HLA-DMA: variants seen among roughly 807,000 people sequenced by gnomAD.
The protein encoded by HLA-DMA is HLA class II histocompatibility antigen, DM alpha chain.
In HLA-DMA, 20 loss-of-function variants were observed where a neutral mutation model predicts 27.3. That is an observed-to-expected ratio of 0.73 (90% confidence interval 0.52 to 1.07). HLA-DMA has a LOEUF of 1.07. Among genes scored for constraint, HLA-DMA ranks in the 50% least tolerant of loss-of-function variants. The pLI, the probability that HLA-DMA is intolerant of heterozygous loss-of-function variation, is 0.00. For synonymous variants in HLA-DMA, 111 were observed against 126.8 expected (o/e 0.88, Z 0.83); for missense variants, 241 against 321.7 (o/e 0.75, Z 1.92).
Position 32,949,755 on chromosome 6 carries a change from C to G in HLA-DMA, c.508G>C (p.Gly170Arg). Residue 170 changes from glycine to arginine, a missense_variant, in exon 3 of 5, where the codon GGA becomes CGA. Coordinates refer to ENST00000374843, the MANE Select transcript of HLA-DMA (RefSeq NM_006120.4). The surrounding 1 kb of genome is among the most constrained non-coding windows in gnomAD (Gnocchi z 5.8). ...GCTGAGACAAAAGTAGGCCCAAATC[C>G]TTCCACAGGGACGGAATGATGCTGC... ...NWQHHSVPVE[G>R]FGPTFVSAVD... is the part of the protein sequence containing the mutation. 6.2e-7 allele frequency: 1 copy of G among 1,613,098 alleles called. No homozygotes were observed. The highest frequency in any genetic ancestry group is 8.5e-7 in the Non-Finnish European group (1 of 1,180,046).
rs763355566 is a variant in HLA-DMA, at chr6:32,953,065, T to C, written c.-29A>G. ...TTCTTGCCACACAGTAGGTAGGAGC[T>C]ACCAACCCAGCCAACCCAGCTTCCC... On this transcript the variant is annotated 5_prime_UTR_variant, in exon 1 of 5. Coordinates refer to ENST00000374843, the MANE Select transcript of HLA-DMA (RefSeq NM_006120.4). 4 of 1,581,760 alleles carry C rather than the reference T, an allele frequency of 2.5e-6. No individual in the cohort carries two copies. The East Asian group carries it at 9.0e-5, about 35-fold the overall frequency.
Position 32,950,359 on chromosome 6 carries a change from G to T in HLA-DMA, c.373+160C>A. Reference sequence around the variant, plus strand: ...TGCTAGGTACTTCGGCCCACCAAAAGAACACAGGGTGCAGACCAAGGCTGG... The same window carrying T: ...TGCTAGGTACTTCGGCCCACCAAAATAACACAGGGTGCAGACCAAGGCTGG... On this transcript the variant is annotated intron_variant, in intron 2 of 4. Transcript: ENST00000374843. The surrounding 1 kb of genome is among the most constrained non-coding windows in gnomAD (Gnocchi z 5.0). 1.1e-6 allele frequency: 1 copy of T among 874,448 alleles called. No individual in the cohort carries two copies. The highest frequency in any genetic ancestry group is 1.8e-6 in the Non-Finnish European group (1 of 550,886). The allele number at this position is 874,448 out of a possible 1,614,324, so 54.2% of individuals were successfully genotyped here.
In HLA-DMA at chr6:32,950,176, A is replaced by G. The variant is rs1776832633; in HGVS notation, c.374-287T>C. 1.7e-6 allele frequency: 1 copy of G among 593,696 alleles called. No individual in the cohort carries two copies. Among genetic ancestry groups the G allele is most frequent in the Admixed American group, 3.0e-5 (1 of 33,454 alleles). The allele number at this position is 593,696 out of a possible 1,614,324, so 36.8% of individuals were successfully genotyped here. ...AGCTCACATTGATGTCTAACCATGC[A>G]CTGTCTTCTCACTAAGACATAGTCA... On this transcript the variant is annotated intron_variant, in intron 2 of 4. Coordinates refer to ENST00000374843, the MANE Select transcript of HLA-DMA (RefSeq NM_006120.4). The surrounding 1 kb of genome is among the most constrained non-coding windows in gnomAD (Gnocchi z 5.0).
chr6:32,949,157 G>C lies in HLA-DMA; in HGVS notation c.781+114C>G, dbSNP rs1776776560. 1 of 1,425,726 alleles carries C rather than the reference G, an allele frequency of 7.0e-7. No individual in the cohort carries two copies. Among genetic ancestry groups the C allele is most frequent in the Non-Finnish European group, 9.7e-7 (1 of 1,034,256 alleles). 88.3% of individuals were successfully genotyped at this position (1,425,726 alleles called of 1,614,324 possible). On this transcript the variant is annotated intron_variant, in intron 4 of 4. Coordinates refer to ENST00000374843, the MANE Select transcript of HLA-DMA (RefSeq NM_006120.4). The surrounding 1 kb of genome is among the most constrained non-coding windows in gnomAD (Gnocchi z 5.8). ...GCTGGATACAGGCCCCCACACCCAA[G>C]GGCCTGAGGATCGCTATATGTCCCC...
chr6:32,948,943 C>G lies in HLA-DMA; in HGVS notation c.782-75G>C, dbSNP rs1776768034. On this transcript the variant is annotated intron_variant, in intron 4 of 4. Transcript: ENST00000374843. ...TCCTCCTTCTCCTCCTCCTCCTCCC[C>G]CACAAAGGCCTTGCTCGCCCTGCCT... 29 of 1,549,768 alleles carry G rather than the reference C, an allele frequency of 1.9e-5. No homozygotes were observed. The East Asian group carries it at 6.5e-4, about 35-fold the overall frequency.
In HLA-DMA at chr6:32,949,894, T is replaced by TG; in HGVS notation, c.374-6dup. The stretch of plus-strand genomic sequence containing the variant: ...ACACTTCAGCGATAGGAAACCCTGG[T>TG]GGGGGGATTGAAGTGTAGGGGGAAA... On this transcript the variant is annotated splice_polypyrimidine_tract_variant and splice_region_variant and intron_variant, in intron 2 of 4. Transcript: ENST00000374843. The surrounding 1 kb of genome is among the most constrained non-coding windows in gnomAD (Gnocchi z 5.8). 2 of 1,611,092 alleles carry TG rather than the reference T, an allele frequency of 1.2e-6. No homozygotes were observed. The highest frequency in any genetic ancestry group is 1.7e-6 in the Non-Finnish European group (2 of 1,178,906).
chr6:32,950,733 C>G lies in HLA-DMA; in HGVS notation c.159G>C (p.Gly53=). 6.2e-7 allele frequency: 1 copy of G among 1,612,994 alleles called. No homozygotes were observed. Among genetic ancestry groups the G allele is most frequent in the Non-Finnish European group, 8.5e-7 (1 of 1,180,008 alleles). The change falls in exon 2 of 5, where the codon GGG becomes GGC. Residue 53 remains glycine (G), a synonymous_variant. Transcript: ENST00000374843. This position sits in a 1 kb window ranked among gnomAD's most constrained non-coding sequence, Gnocchi z 5.0. ...TFLHTVYCQD[G]SPSVGLSEAY... ...CCTCAGAGAGTCCCACACTGGGACT[C>G]CCATCCTGGCAGTACACTGTGTGCA...
In HLA-DMA at chr6:32,949,655, A is replaced by G; in HGVS notation, c.608T>C (p.Ile203Thr). The G allele has an allele frequency of 1.2e-6, 2 of 1,613,132 alleles. No individual in the cohort carries two copies. The highest frequency in any genetic ancestry group is 1.7e-6 in the Non-Finnish European group (2 of 1,180,042). Residue 203 changes from isoleucine (I) to threonine (T), a missense_variant, in exon 3 of 5, where the codon ATT becomes ACT. Coordinates refer to ENST00000374843, the MANE Select transcript of HLA-DMA (RefSeq NM_006120.4). The surrounding 1 kb of genome is among the most constrained non-coding windows in gnomAD (Gnocchi z 5.8). ...TPEPSDIFSC[I>T]VTHEIDRYTA... ...GTAGCGGTCAATTTCGTGAGTCACA[A>G]TGCAGGAGAAAATGTCAGAAGGTTC...
rs1285829778 is a variant in HLA-DMA at position 32,949,188 on chromosome 6, C to A, written c.781+83G>T. The A allele has an allele frequency of 3.2e-6, 5 of 1,579,966 alleles. No individual in the cohort carries two copies. The African/African-American group carries it at 6.7e-5, about 21-fold the overall frequency. Reference sequence around the variant, plus strand: ...GAGGATCGCTATATGTCCCCCCATGCCACAAAATAATCCTGACACATGCAC... The same window carrying A: ...GAGGATCGCTATATGTCCCCCCATGACACAAAATAATCCTGACACATGCAC... On this transcript the variant is annotated intron_variant, in intron 4 of 4. Transcript: ENST00000374843. This position sits in a 1 kb window ranked among gnomAD's most constrained non-coding sequence, Gnocchi z 5.8.
rs562261177 is a variant in HLA-DMA at position 32,950,882 on chromosome 6, C to T, written c.89-79G>A. On this transcript the variant is annotated intron_variant, in intron 1 of 4. Coordinates refer to ENST00000374843, the MANE Select transcript of HLA-DMA (RefSeq NM_006120.4). This position sits in a 1 kb window ranked among gnomAD's most constrained non-coding sequence, Gnocchi z 5.0. ...TAAAAAACAGCAAGGTGGGGCTAGG[C>T]GCAGTGGCTCATGCCTGTAATCCCA... 7 of 1,437,788 alleles carry T rather than the reference C, an allele frequency of 4.9e-6. No homozygotes were observed. Among genetic ancestry groups the T allele is most frequent in the Admixed American group, 1.8e-5 (1 of 54,056 alleles). The allele number at this position is 1,437,788 out of a possible 1,614,324, so 89.1% of individuals were successfully genotyped here.
chr6:32,950,744 A>T lies in HLA-DMA; in HGVS notation c.148T>A (p.Cys50Ser). ...CCCACACTGGGACTCCCATCCTGGC[A>T]GTACACTGTGTGCAGGAATGTGTGG... ...QNHTFLHTVY[C>S]QDGSPSVGLS... Residue 50 changes from cysteine to serine, a missense_variant, in exon 2 of 5, where the codon TGC (cysteine) becomes AGC (serine). Physicochemically the swap from Cys to Ser is moderately radical, Grantham distance 112. Coordinates refer to ENST00000374843, the MANE Select transcript of HLA-DMA (RefSeq NM_006120.4). This position sits in a 1 kb window ranked among gnomAD's most constrained non-coding sequence, Gnocchi z 5.0. The T allele has an allele frequency of 6.2e-7, 1 of 1,613,086 alleles. No homozygotes were observed. The highest frequency in any genetic ancestry group is 8.5e-7 in the Non-Finnish European group (1 of 1,180,036).
At chr6:32,952,922 T>C (rs2127483023) in intron 1 of HLA-DMA, 27 bp downstream of exon 1, 1 of 1,565,584 alleles carries the variant, frequency 6.4e-7, no homozygotes, top group East Asian at 2.2e-5. Context: ...AGGTTCAGGA[T>C]GGAAGTAAAT....
Position 32,950,451 on chromosome 6 carries a change from T to C in HLA-DMA, c.373+68A>G, listed in dbSNP as rs747182631. The C allele has an allele frequency of 6.6e-6, 10 of 1,515,740 alleles. No homozygotes were observed. The highest frequency in any genetic ancestry group is 9.1e-6 in the Non-Finnish European group (10 of 1,104,036). 93.9% of individuals were successfully genotyped at this position (1,515,740 alleles called of 1,614,324 possible). On this transcript the variant is annotated intron_variant, in intron 2 of 4. Transcript: ENST00000374843. This position sits in a 1 kb window ranked among gnomAD's most constrained non-coding sequence, Gnocchi z 5.0. Reference sequence around the variant, plus strand: ...GATGGGGAGCTGGTATCAAGGGGAATTATTCAGTGTACAGATCAATGAGGT... The same window carrying C: ...GATGGGGAGCTGGTATCAAGGGGAACTATTCAGTGTACAGATCAATGAGGT...
chr6:32,950,373 G>T lies in HLA-DMA; in HGVS notation c.373+146C>A. 1 of 1,019,768 alleles carries T rather than the reference G, an allele frequency of 9.8e-7. No homozygotes were observed. The highest frequency in any genetic ancestry group is 1.5e-6 in the Non-Finnish European group (1 of 675,616). 63.2% of individuals were successfully genotyped at this position (1,019,768 alleles called of 1,614,324 possible). On this transcript the variant is annotated intron_variant, in intron 2 of 4. Coordinates refer to ENST00000374843, the MANE Select transcript of HLA-DMA (RefSeq NM_006120.4). This position sits in a 1 kb window ranked among gnomAD's most constrained non-coding sequence, Gnocchi z 5.0. Reference sequence around the variant, plus strand: ...GCCCACCAAAAGAACACAGGGTGCAGACCAAGGCTGGTGGAAAAATTAAGG... The same window carrying T: ...GCCCACCAAAAGAACACAGGGTGCATACCAAGGCTGGTGGAAAAATTAAGG...
In HLA-DMA at chr6:32,953,038, C is replaced by A. The variant is rs1416533473; in HGVS notation, c.-2G>T. 3 of 1,611,750 alleles carry A rather than the reference C, an allele frequency of 1.9e-6. No individual in the cohort carries two copies. Among genetic ancestry groups the A allele is most frequent in the Non-Finnish European group, 2.5e-6 (3 of 1,179,288 alleles). ...TCCTTGGTTCTGTTCATGACCCATA[C>A]CTTCTTGCCACACAGTAGGTAGGAG... On this transcript the variant is annotated 5_prime_UTR_variant, in exon 1 of 5. Coordinates refer to ENST00000374843, the MANE Select transcript of HLA-DMA (RefSeq NM_006120.4).
chr6:32,952,901 G>A, intron 1 of HLA-DMA, 48 bp downstream of exon 1: 1 of 1,439,254 alleles, frequency 6.9e-7, no homozygotes, highest in Non-Finnish European at 9.8e-7. Context: ...ACAAAGCTGA[G>A]TGGGCTCCCT....
chr6:32,949,486 G>T lies in HLA-DMA; in HGVS notation c.653-87C>A. Reference sequence around the variant, plus strand: ...GACGTGGGTGTCTGGGATGACATGGGAGACTGGGATGGGCTTAGGGTAGGA... The same window carrying T: ...GACGTGGGTGTCTGGGATGACATGGTAGACTGGGATGGGCTTAGGGTAGGA... On this transcript the variant is annotated intron_variant, in intron 3 of 4. Coordinates refer to ENST00000374843, the MANE Select transcript of HLA-DMA (RefSeq NM_006120.4). The surrounding 1 kb of genome is among the most constrained non-coding windows in gnomAD (Gnocchi z 5.8). 1.2e-6 allele frequency: 2 copies of T among 1,601,674 alleles called. No homozygotes were observed. Among genetic ancestry groups the T allele is most frequent in the Non-Finnish European group, 1.7e-6 (2 of 1,170,298 alleles).
At position 32,950,948 on chromosome 6, in the gene HLA-DMA, A is replaced by G; in HGVS notation, c.89-145T>C. On this transcript the variant is annotated intron_variant, in intron 1 of 4. Coordinates refer to ENST00000374843, the MANE Select transcript of HLA-DMA (RefSeq NM_006120.4). This position sits in a 1 kb window ranked among gnomAD's most constrained non-coding sequence, Gnocchi z 5.0. The stretch of plus-strand genomic sequence containing the variant: ...AAGGTGGGTGGATCATGAGGTCAGG[A>G]GTTTGAGACCAGCCTGGCCAGCATG... 1 of 710,808 alleles carries G rather than the reference A, an allele frequency of 1.4e-6. No individual in the cohort carries two copies. Among genetic ancestry groups the G allele is most frequent in the South Asian group, 1.8e-5 (1 of 54,378 alleles). The allele number at this position is 710,808 out of a possible 1,614,324, so 44.0% of individuals were successfully genotyped here.
At position 32,949,287 on chromosome 6, in the gene HLA-DMA, C is replaced by T; in HGVS notation, c.765G>A (p.Arg255=). ...ATGACATACCACCTGAGCAAGGCTT[C>T]CGGAAGTAGATGATGAGAACAATGC... ...IVGIVLIIYF[R]KPCSGD Residue 255 remains arginine, a synonymous_variant, in exon 4 of 5, where the codon CGG becomes CGA. Transcript: ENST00000374843. The surrounding 1 kb of genome is among the most constrained non-coding windows in gnomAD (Gnocchi z 5.8). 1 of 1,614,176 alleles carries T rather than the reference C, an allele frequency of 6.2e-7. No homozygotes were observed. Among genetic ancestry groups the T allele is most frequent in the South Asian group, 1.1e-5 (1 of 91,086 alleles).
Sources: allele counts gnomAD v4.1 joint callset, GRCh38; gene constraint gnomAD v4.1.1; non-coding constraint Gnocchi (gnomAD v3.1); transcripts MANE v1.5; gene names NCBI Gene and HGNC (gene_info 2026-07-23, HGNC 2026-07-21).